Variants in PDE8A observed in about 807,000 individuals in gnomAD.
The protein encoded by PDE8A is high affinity cAMP-specific and IBMX-insensitive 3',5'-cyclic phosphodiesterase 8A.
A neutral mutation model predicts 105.0 loss-of-function variants in PDE8A; 59 were observed. The observed-to-expected ratio is 0.56, with a 90% CI of 0.46 to 0.70. The LOEUF (loss-of-function observed/expected upper bound fraction) is 0.70, where lower values mean the gene tolerates loss of function less well. Among genes scored for constraint, PDE8A ranks in the 30% least tolerant of loss-of-function variants. The pLI is 0.00. For missense variants in PDE8A, 1,014 were observed against 1,045.9 expected (o/e 0.97, Z 0.42); for synonymous variants, 355 against 371.9 (o/e 0.95, Z 0.52).
intron 2 of PDE8A, among the ~76,000 whole-genome samples, chr15:85,064,789 G>T (rs550629734): frequency 1.3e-5 from 2 of 152,164 alleles, no homozygotes; most frequent in South Asian, 4.2e-4. Context: ...AACATAGGGA[G>T]ACCCAGTTTC....
chr15:85,098,594 C>A (rs1447673272), intron 9 of PDE8A, among the ~76,000 whole-genome samples: 1 of 151,978 alleles, frequency 6.6e-6, no homozygotes, highest in Non-Finnish European at 1.5e-5. Context: ...TTATAGAACA[C>A]CTAAAATATT....
intron 11 of PDE8A, among the ~76,000 whole-genome samples, chr15:85,101,973 G>T (rs1363981030): frequency 6.6e-6 from 1 of 152,182 alleles, no homozygotes; most frequent in Non-Finnish European, 1.5e-5. Flanking sequence ...TACCTGCTGA[G>T]TGCTGGCTTC....
At chr15:85,083,321 T>TAAA (rs3214641) in intron 5 of PDE8A, among the ~76,000 whole-genome samples, 5 of 146,502 alleles carry the variant, frequency 3.4e-5, no homozygotes, top group African/African-American at 1.3e-4. Context: ...TTTTTTTTTT[T>TAAA]AAAAAAATGA....
chr15:85,083,483 A>T, intron 5 of PDE8A, 73 bp from the exon 6 acceptor site: 1 of 863,382 alleles, frequency 1.2e-6, no homozygotes, highest in Non-Finnish European at 1.9e-6. Flanking sequence ...AAGTTTGTTT[A>T]AAGAGTTATT....
At chr15:84,987,529 T>C (rs1234507948) in intron 1 of PDE8A, among the ~76,000 whole-genome samples, 1 of 149,584 alleles carries the variant, frequency 6.7e-6, no homozygotes, top group African/African-American at 2.5e-5. Flanking sequence ...TGGAGTGTAA[T>C]GGTGCGATCT....
chr15:85,113,501 C>T, intron 13 of PDE8A, 54 bp downstream of exon 13: 1 of 1,434,274 alleles, frequency 7.0e-7, no homozygotes. Context: ...TTGTTCTCCC[C>T]AAGGATCATT....
At position 85,066,770 on chromosome 15, in the gene PDE8A, C is replaced by T. The variant is rs138693707; in HGVS notation, c.244-244C>T. Among the ~76,000 whole-genome samples the T allele has an allele frequency of 3.9e-3, 596 of 152,202 alleles. 1 individual carries two copies. The highest frequency in any genetic ancestry group is 0.011 in the African/African-American group (457 of 41,530). On this transcript the variant is annotated intron_variant, in intron 2 of 21. Transcript: ENST00000394553. ...CCTGGCCAACATGGCAAAACCCCGT[C>T]TCTACTAAAAATACAAAAATTAGCT...
At chr15:85,072,309 T>C (rs1596490255) in intron 3 of PDE8A, among the ~76,000 whole-genome samples, 1 of 152,348 alleles carries the variant, frequency 6.6e-6, no homozygotes, top group East Asian at 1.9e-4. Context: ...TGGCCTTTTT[T>C]CCAGTGTTGT....
At chr15:85,089,725 G>A (rs935313529) in intron 7 of PDE8A, among the ~76,000 whole-genome samples, 1 of 152,186 alleles carries the variant, frequency 6.6e-6, no homozygotes, top group African/African-American at 2.4e-5. Context: ...CTGGGGGCTT[G>A]GGGGTAGTGC....
intron 12 of PDE8A, among the ~76,000 whole-genome samples, chr15:85,110,272 CT>C (rs2082002784): frequency 6.6e-6 from 1 of 152,168 alleles, no homozygotes; most frequent in African/African-American, 2.4e-5. Flanking sequence ...TTTGTTGATC[CT>C]TTGGATTCCT....
intron 6 of PDE8A, among the ~76,000 whole-genome samples, chr15:85,088,320 C>G (rs932854842): frequency 2.5e-4 from 38 of 152,236 alleles, no homozygotes; most frequent in African/African-American, 9.2e-4. Flanking sequence ...CCACTACCCC[C>G]AGCCCAATCT....
chr15:85,085,262 G>A (rs557394509), intron 6 of PDE8A, among the ~76,000 whole-genome samples: 1 of 152,252 alleles, frequency 6.6e-6, no homozygotes, highest in South Asian at 2.1e-4. Context: ...CCATTATACA[G>A]GGAGATATAA....
chr15:85,115,168 AG>A, intron 14 of PDE8A: 1 of 424,104 alleles, frequency 2.4e-6, no homozygotes, highest in Non-Finnish European at 4.2e-6. Flanking sequence ...CAAAAGATGC[AG>A]GCTCACCTCC....
chr15:85,072,615 A>G (rs1216519297), intron 3 of PDE8A, among the ~76,000 whole-genome samples: 1 of 152,158 alleles, frequency 6.6e-6, no homozygotes, highest in Non-Finnish European at 1.5e-5. Context: ...ATGAGGAAGA[A>G]ACCTCATGTA....
Position 85,036,499 on chromosome 15 carries a change from C to CA in PDE8A, c.187-27867dup, listed in dbSNP as rs765572852. Among the ~76,000 whole-genome samples, 186 of 152,246 alleles carry CA rather than the reference C, an allele frequency of 1.2e-3. 1 individual carries two copies. Among genetic ancestry groups the CA allele is most frequent in the Admixed American group, 4.0e-3 (61 of 15,300 alleles). On this transcript the variant is annotated intron_variant, in intron 1 of 21. Coordinates refer to ENST00000394553, the MANE Select transcript of PDE8A (RefSeq NM_002605.3). ...ACATCAACCCTTCCCTCCCACCAAACAAAACATTAGTGCTCAGAGAGTAAA... is the reference window on the plus strand; with the variant it reads ...ACATCAACCCTTCCCTCCCACCAAACAAAAACATTAGTGCTCAGAGAGTAAA...
At chr15:84,990,270 T>C (rs2079865753) in intron 1 of PDE8A, among the ~76,000 whole-genome samples, 1 of 152,222 alleles carries the variant, frequency 6.6e-6, no homozygotes, top group African/African-American at 2.4e-5. Context: ...GTAAATTTTA[T>C]GTGTACCATT....
chr15:85,075,829 A>G lies in PDE8A; in HGVS notation c.435-33A>G, dbSNP rs745420946. 6 of 1,206,970 alleles carry G rather than the reference A, an allele frequency of 5.0e-6. 1 individual carries two copies. The South Asian group carries it at 6.8e-5, about 14-fold the overall frequency. The allele number at this position is 1,206,970 out of a possible 1,614,324, so 74.8% of individuals were successfully genotyped here. A position where few individuals can be genotyped will look rare whatever the true frequency, so the allele number is the denominator to read the frequency against. ...TATTTGGTTTTTAAGGATTATTTTT[A>G]TATTTATTTTAAAGTTTTGTGTTTT... On this transcript the variant is annotated intron_variant, in intron 3 of 21. Transcript: ENST00000394553.
At chr15:85,101,245 A>G (rs1194232809) in intron 11 of PDE8A, among the ~76,000 whole-genome samples, 2 of 152,194 alleles carry the variant, frequency 1.3e-5, no homozygotes, top group African/African-American at 4.8e-5. Flanking sequence ...CCCAGGAGCA[A>G]TCAGAGATTT....
At chr15:85,044,787 A>C (rs2080862603) in intron 1 of PDE8A, among the ~76,000 whole-genome samples, 1 of 152,228 alleles carries the variant, frequency 6.6e-6, no homozygotes, top group African/African-American at 2.4e-5. Flanking sequence ...TTCATTCTCC[A>C]TTGGCAGCCA....
Sources: allele counts gnomAD v4.1 joint callset (sites outside exome capture counted in the v4.1 genomes callset), GRCh38; gene constraint gnomAD v4.1.1; transcripts MANE v1.5; gene names NCBI Gene and HGNC (gene_info 2026-07-23, HGNC 2026-07-21).